Variants in PARVA observed in about 807,000 individuals in gnomAD.
The protein encoded by PARVA is alpha-parvin.
In PARVA, 25 loss-of-function variants were observed where a neutral mutation model predicts 52.6. The observed-to-expected ratio is 0.48, with a 90% CI of 0.35 to 0.66. The LOEUF is 0.66. Ranked by LOEUF, PARVA falls within the 30% of genes least tolerant of loss-of-function variation. The pLI is 0.01. For synonymous variants in PARVA, 185 were observed against 179.1 expected, an observed-to-expected ratio of 1.03 and a Z score of -0.26; for missense variants, 373 against 450.9, an observed-to-expected ratio of 0.83 and a Z score of 1.56.
chr11:12,438,177 G>A (rs1940414194), intron 1 of PARVA, among the ~76,000 whole-genome samples: 1 of 151,436 alleles, frequency 6.6e-6, no homozygotes, highest in Non-Finnish European at 1.5e-5. Flanking sequence ...GGAGAATGGT[G>A]TGAACCTGGG....
At chr11:12,452,579 C>T (rs1485420838) in intron 1 of PARVA, among the ~76,000 whole-genome samples, 1 of 152,182 alleles carries the variant, frequency 6.6e-6, no homozygotes, top group Non-Finnish European at 1.5e-5. Flanking sequence ...GTCTGTGAGT[C>T]AGCTAAGAAA....
At chr11:12,446,610 G>T (rs943738060) in intron 1 of PARVA, among the ~76,000 whole-genome samples, 2 of 152,182 alleles carry the variant, frequency 1.3e-5, no homozygotes, top group African/African-American at 4.8e-5. Context: ...TAGGATCAAT[G>T]AATATTATTA....
intron 1 of PARVA, among the ~76,000 whole-genome samples, chr11:12,399,587 G>C (rs1217327427): frequency 6.6e-6 from 1 of 152,206 alleles, no homozygotes; most frequent in African/African-American, 2.4e-5. Flanking sequence ...GCTGATGCTG[G>C]TCTGCAGATC....
chr11:12,396,374 GT>G (rs1309465785), intron 1 of PARVA, among the ~76,000 whole-genome samples: 2 of 151,980 alleles, frequency 1.3e-5, no homozygotes, highest in African/African-American at 2.4e-5. Context: ...AATTTGTCTA[GT>G]TTGTCCATTT....
At chr11:12,502,295 T>C (rs1941372039) in intron 5 of PARVA, among the ~76,000 whole-genome samples, 1 of 152,142 alleles carries the variant, frequency 6.6e-6, no homozygotes, top group Non-Finnish European at 1.5e-5. Flanking sequence ...TCTGAATCAT[T>C]CTCTTTTCTT....
rs1407883582 is a variant in PARVA, at chr11:12,534,038, C to T, written c.*6113C>T. On this transcript the variant is annotated 3_prime_UTR_variant, in exon 13 of 13. Coordinates refer to ENST00000334956, the MANE Select transcript of PARVA (RefSeq NM_018222.5). ...AAAAAATTAGCCAGGTGTGGTGGTG[C>T]GTGCCTGTAATCCCAGCTACTCAGG... Among the ~76,000 whole-genome samples, 8 of 151,988 alleles carry T rather than the reference C, an allele frequency of 5.3e-5. No individual in the cohort carries two copies. The highest frequency in any genetic ancestry group is 1.2e-4 in the Non-Finnish European group (8 of 67,994).
At position 12,533,006 on chromosome 11, in the gene PARVA, C is replaced by T. The variant is rs72863959; in HGVS notation, c.*5081C>T. On this transcript the variant is annotated 3_prime_UTR_variant, in exon 13 of 13. Coordinates refer to ENST00000334956, the MANE Select transcript of PARVA (RefSeq NM_018222.5). ...GCCTTTCTCATGTCATACCATGGTC[C>T]TGGCTGGGGAGCGGAGGAGACCAGG... 0.017 allele frequency among the ~76,000 whole-genome samples: 2,604 copies of T among 152,312 alleles called. 29 individuals are homozygous for T. Among genetic ancestry groups the T allele is most frequent in the Middle Eastern group, 0.031 (9 of 294 alleles).
chr11:12,481,077 AT>A (rs913527080), intron 4 of PARVA, among the ~76,000 whole-genome samples: 8 of 115,844 alleles, frequency 6.9e-5, no homozygotes, highest in East Asian at 2.5e-4. Context: ...TTTTTAATTA[AT>A]TTTTTTTAAG....
In PARVA at chr11:12,473,920, T is replaced by A. The variant is rs1319004986; in HGVS notation, c.234T>A (p.Asn78Lys). The A allele has an allele frequency of 6.3e-7, 1 of 1,578,304 alleles. No individual in the cohort carries two copies. The highest frequency in any genetic ancestry group is 8.6e-7 in the Non-Finnish European group (1 of 1,161,840). The part of the protein sequence containing the change: ...LDPEDTMLEE[N>K]EVRTMVDPNS... Reference sequence around the variant, plus strand: ...TTCCTTTTCTTTTTAAAGAGGAGAATGAGGTGCGAACAATGGTGGATCCAA... The same window carrying A: ...TTCCTTTTCTTTTTAAAGAGGAGAAAGAGGTGCGAACAATGGTGGATCCAA... Residue 78 changes from asparagine (N) to lysine (K), a missense_variant, in exon 3 of 13, where the codon AAT (asparagine) becomes AAA (lysine). Coordinates refer to ENST00000334956, the MANE Select transcript of PARVA (RefSeq NM_018222.5).
At chr11:12,524,815 C>T (rs1941680365) in intron 12 of PARVA, among the ~76,000 whole-genome samples, 1 of 152,236 alleles carries the variant, frequency 6.6e-6, no homozygotes, top group Admixed American at 6.5e-5. Flanking sequence ...TTCAAGGAAC[C>T]TACAGTCCAG....
intron 4 of PARVA, among the ~76,000 whole-genome samples, chr11:12,487,807 C>CTG (rs149320174): frequency 1.2e-4 from 18 of 151,748 alleles, no homozygotes; most frequent in Admixed American, 4.6e-4. Flanking sequence ...TAGAGAACGA[C>CTG]TGTGTGTGTG....
intron 1 of PARVA, among the ~76,000 whole-genome samples, chr11:12,382,604 A>G (rs773558429): frequency 3.9e-5 from 6 of 152,198 alleles, no homozygotes; most frequent in Non-Finnish European, 8.8e-5. Context: ...TAGAATGACT[A>G]TGAGTCTCAT....
chr11:12,378,630 A>T (rs1939441454), intron 1 of PARVA, among the ~76,000 whole-genome samples: 1 of 127,858 alleles, frequency 7.8e-6, no homozygotes, highest in Non-Finnish European at 1.6e-5. Flanking sequence ...TTTTTTTCCC[A>T]TGCACAGATT....
chr11:12,425,376 T>C (rs1424020922), intron 1 of PARVA, among the ~76,000 whole-genome samples: 1 of 152,214 alleles, frequency 6.6e-6, no homozygotes, highest in Non-Finnish European at 1.5e-5. Context: ...ATTGGATTCC[T>C]CAAGGCCTTC....
intron 1 of PARVA, among the ~76,000 whole-genome samples, chr11:12,383,724 G>A (rs1015756024): frequency 6.6e-6 from 1 of 151,934 alleles, no homozygotes. Flanking sequence ...TCAAACTCCT[G>A]GGCATATCTA....
At chr11:12,518,156 G>T (rs1041561955) in intron 11 of PARVA, among the ~76,000 whole-genome samples, 10 of 152,226 alleles carry the variant, frequency 6.6e-5, no homozygotes, top group African/African-American at 2.4e-4. Flanking sequence ...GATTCTTCCA[G>T]ACGTGTGCAC....
intron 4 of PARVA, among the ~76,000 whole-genome samples, chr11:12,490,125 A>C (rs894348104): frequency 3.3e-5 from 5 of 151,502 alleles, no homozygotes; most frequent in Non-Finnish European, 5.9e-5. Context: ...CTGAGGCAGG[A>C]GAATGGCGTG....
chr11:12,493,355 C>CA (rs11286221), intron 4 of PARVA, among the ~76,000 whole-genome samples: 5 of 130,568 alleles, frequency 3.8e-5, no homozygotes, highest in African/African-American at 8.5e-5. Context: ...GACTCCATCT[C>CA]AAAAAAAAAA....
At chr11:12,490,528 A>AG (rs35496292) in intron 4 of PARVA, among the ~76,000 whole-genome samples, 51,862 of 149,324 alleles carry the variant, frequency 0.35, 10,369 homozygotes, top group East Asian at 0.55. Flanking sequence ...AAAAAAAAAA[A>AG]AGAGAGAGAG....
Sources: allele counts gnomAD v4.1 joint callset (sites outside exome capture counted in the v4.1 genomes callset), GRCh38; gene constraint gnomAD v4.1.1; transcripts MANE v1.5; gene names NCBI Gene and HGNC (gene_info 2026-07-23, HGNC 2026-07-21).